Variants in DIS3L2 observed in about 807,000 individuals in gnomAD.
DIS3L2 encodes DIS3 like 3'-5' exoribonuclease 2, also known as DIS3-like exonuclease 2.
A neutral mutation model predicts 97.5 loss-of-function variants in DIS3L2; 34 were observed. That is an observed-to-expected ratio of 0.35 (90% confidence interval 0.27 to 0.46). DIS3L2 has a LOEUF of 0.46. DIS3L2 is among the 20% of genes least tolerant of loss of function. The probability of loss-of-function intolerance (pLI) is 1.00; values close to 1 mark genes in which losing one functional copy is unlikely to be tolerated. For missense variants in DIS3L2, 1,038 were observed against 1,146.0 expected (o/e 0.91, Z 1.36); for synonymous variants, 435 against 445.2 (o/e 0.98, Z 0.29).
At chr2:232,045,670 CTTTTTTTTT>C (rs35019734) in intron 5 of DIS3L2, among the ~76,000 whole-genome samples, 2 of 99,048 alleles carry the variant, frequency 2.0e-5, no homozygotes, top group South Asian at 7.8e-4. Context: ...AAAGGCCTCA[CTTTTTTTTT>C]TTTTTTTTTT....
intron 9 of DIS3L2, among the ~76,000 whole-genome samples, chr2:232,182,838 C>T (rs890908584): frequency 2.0e-5 from 3 of 152,174 alleles, no homozygotes; most frequent in African/African-American, 7.2e-5. Flanking sequence ...TATAATGTGG[C>T]AGCTCTGGAA....
intron 10 of DIS3L2, among the ~76,000 whole-genome samples, chr2:232,220,047 G>A: frequency 6.6e-6 from 1 of 151,800 alleles, no homozygotes; most frequent in Non-Finnish European, 1.5e-5. Flanking sequence ...CAAGATAGGA[G>A]GCTCACTTAA....
At chr2:232,234,477 G>C (rs1692881100) in intron 10 of DIS3L2, among the ~76,000 whole-genome samples, 1 of 152,166 alleles carries the variant, frequency 6.6e-6, no homozygotes. Flanking sequence ...AGCCTCCCAA[G>C]TAGCTGGGAC....
intron 2 of DIS3L2, 64 bp downstream of exon 2, chr2:232,015,043 G>A: frequency 1.3e-6 from 2 of 1,551,428 alleles, no homozygotes; most frequent in South Asian, 1.1e-5. Flanking sequence ...TGGAATGGGT[G>A]TGAAGTGGAG....
intron 1 of DIS3L2, among the ~76,000 whole-genome samples, chr2:232,013,187 C>T (rs1026546818): frequency 6.6e-6 from 1 of 152,192 alleles, no homozygotes; most frequent in Non-Finnish European, 1.5e-5. Flanking sequence ...GTCTTCCTTT[C>T]CTTTCACCTG....
chr2:232,172,889 G>C, intron 9 of DIS3L2: 1 of 429,120 alleles, frequency 2.3e-6, no homozygotes, highest in South Asian at 1.8e-5. Context: ...AATGTATTTT[G>C]ATGTGCTTAT....
intron 14 of DIS3L2, among the ~76,000 whole-genome samples, chr2:232,300,443 CTG>C (rs1424644684): frequency 6.6e-6 from 1 of 152,152 alleles, no homozygotes; most frequent in Non-Finnish European, 1.5e-5. Context: ...GTTTGGTTCA[CTG>C]TGTGACTTTG....
intron 9 of DIS3L2, among the ~76,000 whole-genome samples, chr2:232,189,774 GT>G (rs1691560011): frequency 6.6e-6 from 1 of 152,134 alleles, no homozygotes. Flanking sequence ...CAATATCCTG[GT>G]TTTGATATTG....
intron 14 of DIS3L2, among the ~76,000 whole-genome samples, chr2:232,322,703 T>G (rs1259430520): frequency 1.3e-5 from 2 of 152,200 alleles, no homozygotes; most frequent in African/African-American, 4.8e-5. Flanking sequence ...CCCAGGCTTC[T>G]CTCTCGTTTT....
rs533031601 is a variant in DIS3L2, at chr2:232,203,544, G to A, written c.1125-6782G>A. 4.6e-5 allele frequency among the ~76,000 whole-genome samples: 7 copies of A among 152,290 alleles called. No individual in the cohort carries two copies. In the East Asian group the frequency reaches 1.2e-3, roughly 25 times the overall value. ...AGTGCTCCACAAGAGCCCTTTGGTC[G>A]TTTTTTCATTCATCTGTCCATCAGC... On this transcript the variant is annotated intron_variant, in intron 9 of 20. Coordinates refer to ENST00000325385, the MANE Select transcript of DIS3L2 (RefSeq NM_152383.5).
intron 17 of DIS3L2, 21 bp from the exon 18 acceptor site, chr2:232,334,348 T>G (rs1189360163): frequency 6.2e-7 from 1 of 1,611,586 alleles, no homozygotes; most frequent in East Asian, 2.2e-5. Context: ...CCCACTCTCA[T>G]GCCTCACCCC....
chr2:232,192,330 G>C (rs903733629), intron 9 of DIS3L2, among the ~76,000 whole-genome samples: 3 of 152,078 alleles, frequency 2.0e-5, no homozygotes, highest in Non-Finnish European at 2.9e-5. Context: ...ATGACTGAGG[G>C]GGAAGAACTG....
At chr2:232,004,712 G>C (rs1409503412) in intron 1 of DIS3L2, among the ~76,000 whole-genome samples, 1 of 151,804 alleles carries the variant, frequency 6.6e-6, no homozygotes, top group African/African-American at 2.4e-5. Flanking sequence ...CTCCCAAGTA[G>C]CTGGGACTAC....
intron 13 of DIS3L2, among the ~76,000 whole-genome samples, chr2:232,297,472 C>T (rs1575001948): frequency 6.6e-6 from 1 of 152,182 alleles, no homozygotes; most frequent in Non-Finnish European, 1.5e-5. Context: ...ATAAGACACT[C>T]AGCTAAGACC....
At chr2:232,106,158 T>C (rs1333283323) in intron 6 of DIS3L2, among the ~76,000 whole-genome samples, 3 of 152,168 alleles carry the variant, frequency 2.0e-5, no homozygotes, top group African/African-American at 7.2e-5. Context: ...CATGACAAGG[T>C]ATTGACTCAG....
rs999500053 is a variant in DIS3L2, at chr2:232,269,353, T to C, written c.1659+5913T>C. ...CCAAGGTAGGAAGGATGGGTACATT[T>C]ATCCTGTCTGGCTCTTCCTTGGTCT... On this transcript the variant is annotated intron_variant, in intron 13 of 20. Coordinates refer to ENST00000325385, the MANE Select transcript of DIS3L2 (RefSeq NM_152383.5). The surrounding 1 kb of genome is among the most constrained non-coding windows in gnomAD (Gnocchi z 4.5). Among the ~76,000 whole-genome samples, 4 of 152,254 alleles carry C rather than the reference T, an allele frequency of 2.6e-5. No homozygotes were observed. The highest frequency in any genetic ancestry group is 5.9e-5 in the Non-Finnish European group (4 of 68,044).
At chr2:232,181,772 G>C (rs1031438121) in intron 9 of DIS3L2, among the ~76,000 whole-genome samples, 3 of 152,072 alleles carry the variant, frequency 2.0e-5, no homozygotes, top group East Asian at 1.9e-4. Flanking sequence ...CAGATAGCTG[G>C]GATACAGGCG....
chr2:232,225,300 A>G (rs1181434985), intron 10 of DIS3L2, among the ~76,000 whole-genome samples: 7 of 152,210 alleles, frequency 4.6e-5, no homozygotes, highest in African/African-American at 1.7e-4. Flanking sequence ...ACCATCACTC[A>G]TAATAGCAAA....
At chr2:232,020,532 A>G (rs1694484248) in intron 3 of DIS3L2, among the ~76,000 whole-genome samples, 1 of 152,170 alleles carries the variant, frequency 6.6e-6, no homozygotes, top group Non-Finnish European at 1.5e-5. Flanking sequence ...TGATGTTGCC[A>G]TTAACCAAGA....
Sources: gnomAD v4.1 joint callset for allele counts (sites outside exome capture counted in the v4.1 genomes callset) on GRCh38, gnomAD v4.1.1 for gene constraint, Gnocchi (gnomAD v3.1) non-coding constraint, MANE v1.5 for transcripts, NCBI Gene and HGNC (gene_info 2026-07-23, HGNC 2026-07-21) for gene names.